The following RABGAP1L variants were observed in gnomAD, a reference collection of about 807,000 sequenced individuals.
RABGAP1L encodes the protein RAB GTPase activating protein 1 like, also known as rab GTPase-activating protein 1-like.
A neutral mutation model predicts 137.7 loss-of-function variants in RABGAP1L; 63 were observed. The ratio of observed to expected loss-of-function variants is 0.46; its 90% CI spans 0.37 to 0.56. The LOEUF (loss-of-function observed/expected upper bound fraction) is 0.56. Among genes scored for constraint, RABGAP1L ranks in the 20% least tolerant of loss-of-function variants. The pLI is 0.00. For missense variants in RABGAP1L, 1,095 were observed against 1,244.0 expected (o/e 0.88, Z 1.80); for synonymous variants, 431 against 433.7 (o/e 0.99, Z 0.08).
intron 13 of RABGAP1L, among the ~76,000 whole-genome samples, chr1:174,443,981 G>A (rs1654448908): frequency 1.3e-5 from 2 of 151,884 alleles, no homozygotes; most frequent in African/African-American, 4.8e-5. Context: ...CTGAATTTAG[G>A]TTGACTATAA....
chr1:174,634,889 G>T (rs1190737848), intron 13 of RABGAP1L, among the ~76,000 whole-genome samples: 1,693 of 119,948 alleles, frequency 0.014, 18 homozygotes, highest in Non-Finnish European at 0.021. Flanking sequence ...GTGGTGGGGT[G>T]GGGGGAGGGG....
intron 13 of RABGAP1L, among the ~76,000 whole-genome samples, chr1:174,531,595 C>A (rs1664408747): frequency 6.6e-6 from 1 of 152,098 alleles, no homozygotes; most frequent in Non-Finnish European, 1.5e-5. Flanking sequence ...CAGCCAGGGG[C>A]AGCTGGTTGC....
At chr1:174,505,863 G>A (rs1661767258) in intron 13 of RABGAP1L, among the ~76,000 whole-genome samples, 1 of 152,150 alleles carries the variant, frequency 6.6e-6, no homozygotes. Context: ...GTTCATTGCA[G>A]TATTAATCAC....
intron 13 of RABGAP1L, among the ~76,000 whole-genome samples, chr1:174,631,958 C>T (rs1673425449): frequency 1.1e-5 from 1 of 89,508 alleles, no homozygotes; most frequent in Non-Finnish European, 2.2e-5. Context: ...GGTGATTTTG[C>T]TCGTTAGTTG....
At chr1:174,613,797 T>G (rs1268656586) in intron 13 of RABGAP1L, among the ~76,000 whole-genome samples, 1 of 152,240 alleles carries the variant, frequency 6.6e-6, no homozygotes, top group Non-Finnish European at 1.5e-5. Context: ...AATTGATCCC[T>G]TTACCATTAT....
intron 13 of RABGAP1L, among the ~76,000 whole-genome samples, chr1:174,606,404 C>G (rs559447965): frequency 1.5e-4 from 23 of 152,262 alleles, no homozygotes; most frequent in African/African-American, 5.1e-4. Flanking sequence ...AATGACAATA[C>G]TAGAGAAATA....
At chr1:174,449,709 T>C (rs1655215849) in intron 13 of RABGAP1L, among the ~76,000 whole-genome samples, 1 of 152,236 alleles carries the variant, frequency 6.6e-6, no homozygotes, top group South Asian at 2.1e-4. Context: ...ATAAGTGATC[T>C]CTTCATGGAG....
At chr1:174,886,452 T>G (rs531174626) in intron 19 of RABGAP1L, among the ~76,000 whole-genome samples, 9 of 152,236 alleles carry the variant, frequency 5.9e-5, no homozygotes, top group Non-Finnish European at 1.3e-4. Context: ...AGCCCTGTAA[T>G]TGTAATGCCC....
chr1:174,449,271 G>A, intron 13 of RABGAP1L: 1 of 1,282,524 alleles, frequency 7.8e-7, no homozygotes, highest in Admixed American at 2.4e-5. Flanking sequence ...CTGGAAATTT[G>A]CCATCAGAGA....
In RABGAP1L at chr1:174,497,909, T is replaced by A. The variant is rs548455123; in HGVS notation, c.1710+103764T>A. ...GTTACAGTATTAGTAGCTCTGACAG[T>A]GACTGTCTTCAAATTAATTTTACTG... On this transcript the variant is annotated intron_variant, in intron 13 of 25. Coordinates refer to ENST00000681986, the MANE Select transcript of RABGAP1L (RefSeq NM_001366446.1). Among the ~76,000 whole-genome samples the A allele has an allele frequency of 1.1e-4, 16 of 144,302 alleles. No individual in the cohort carries two copies. The East Asian group carries it at 3.1e-3, about 28-fold the overall frequency. The allele number at this position is 144,302 out of a possible 152,430, so 94.7% of individuals were successfully genotyped here. A position where few individuals can be genotyped will look rare whatever the true frequency, so the allele number is the denominator to read the frequency against.
At chr1:174,708,608 C>T (rs930426909) in intron 17 of RABGAP1L, among the ~76,000 whole-genome samples, 1 of 152,104 alleles carries the variant, frequency 6.6e-6, no homozygotes, top group Non-Finnish European at 1.5e-5. Context: ...CAGTGCTATC[C>T]AGCCCAGATA....
intron 11 of RABGAP1L, among the ~76,000 whole-genome samples, chr1:174,365,562 G>A (rs369860699): frequency 6.6e-6 from 1 of 152,138 alleles, no homozygotes; most frequent in African/African-American, 2.4e-5. Flanking sequence ...TGCTCCCTCT[G>A]TGTGTGGGAG....
At chr1:174,706,480 T>A (rs114285657) in intron 17 of RABGAP1L, among the ~76,000 whole-genome samples, 3,213 of 152,272 alleles carry the variant, frequency 0.021, 53 homozygotes, top group Middle Eastern at 0.085. Context: ...TTTATCTGTT[T>A]AGCAAGTCTA....
intron 13 of RABGAP1L, among the ~76,000 whole-genome samples, chr1:174,515,048 G>A (rs888431656): frequency 6.6e-6 from 1 of 151,892 alleles, no homozygotes; most frequent in African/African-American, 2.4e-5. Flanking sequence ...CTATTTTCCA[G>A]TATCAAATAA....
chr1:174,779,396 T>A (rs1686777056), intron 18 of RABGAP1L, among the ~76,000 whole-genome samples: 1 of 152,232 alleles, frequency 6.6e-6, no homozygotes, highest in South Asian at 2.1e-4. Context: ...TTTGTATGTG[T>A]ATGTCTTGTC....
chr1:174,323,046 A>G (rs904543971), intron 11 of RABGAP1L, among the ~76,000 whole-genome samples: 1 of 152,086 alleles, frequency 6.6e-6, no homozygotes, highest in Non-Finnish European at 1.5e-5. Flanking sequence ...GACAGGTGCT[A>G]CTCCATAAGA....
At chr1:174,952,356 A>G (rs867496734) in intron 19 of RABGAP1L, among the ~76,000 whole-genome samples, 5 of 148,970 alleles carry the variant, frequency 3.4e-5, no homozygotes, top group Non-Finnish European at 6.0e-5. Flanking sequence ...AAAAAAAAAA[A>G]AAAAAAAAGC....
Position 174,992,108 on chromosome 1 carries a change from ACTT to A in RABGAP1L, c.*2109_*2111del, listed in dbSNP as rs1220647617. 1 of 152,174 alleles carries A rather than the reference ACTT, an allele frequency of 6.6e-6. No individual in the cohort carries two copies. Among genetic ancestry groups the A allele is most frequent in the African/African-American group, 2.4e-5 (1 of 41,444 alleles). The allele number at this position is 152,174 out of a possible 1,614,324, so 9.4% of individuals were successfully genotyped here. ...ATCCCTTATCTAAAGACCTTGTTCAACTTCATAGTCCCTTTCCTTTTAAAGAGG... is the reference window on the plus strand; with the variant it reads ...ATCCCTTATCTAAAGACCTTGTTCAACATAGTCCCTTTCCTTTTAAAGAGG... On this transcript the variant is annotated 3_prime_UTR_variant, in exon 26 of 26. Coordinates refer to ENST00000681986, the MANE Select transcript of RABGAP1L (RefSeq NM_001366446.1).
intron 19 of RABGAP1L, among the ~76,000 whole-genome samples, chr1:174,938,001 G>C (rs1020859016): frequency 6.6e-6 from 1 of 151,826 alleles, no homozygotes; most frequent in Non-Finnish European, 1.5e-5. Context: ...ATGAGCCACC[G>C]TGCCTGTCAC....
Sources: gnomAD v4.1 joint callset for allele counts (sites outside exome capture counted in the v4.1 genomes callset) on GRCh38, gnomAD v4.1.1 for gene constraint, MANE v1.5 for transcripts, NCBI Gene and HGNC (gene_info 2026-07-23, HGNC 2026-07-21) for gene names.